The following L3MBTL4 variants were observed in gnomAD, a reference collection of about 807,000 sequenced individuals.
L3MBTL4 encodes lethal(3)malignant brain tumor-like protein 4.
In L3MBTL4, 70 loss-of-function variants were observed where a neutral mutation model predicts 84.5. The ratio of observed to expected loss-of-function variants is 0.83; its 90% confidence interval spans 0.68 to 1.01. The LOEUF is 1.01. Ranked by LOEUF, L3MBTL4 falls within the 50% of genes least tolerant of loss-of-function variation. The pLI is 0.00. For synonymous variants in L3MBTL4, 274 were observed against 259.8 expected (o/e 1.05, Z -0.52); for missense variants, 715 against 754.8 (o/e 0.95, Z 0.62).
chr18:6,035,263 A>C (rs1157082317), intron 16 of L3MBTL4, among the ~76,000 whole-genome samples: 1 of 152,086 alleles, frequency 6.6e-6, no homozygotes, highest in Non-Finnish European at 1.5e-5. Context: ...GTTTTCTTCT[A>C]GGGTTTTTAT....
At chr18:6,409,349 A>G (rs1319185106) in intron 1 of L3MBTL4, among the ~76,000 whole-genome samples, 1 of 152,240 alleles carries the variant, frequency 6.6e-6, no homozygotes, top group Non-Finnish European at 1.5e-5. Context: ...CACTCCAGGA[A>G]GTACTCACAA....
chr18:6,168,273 T>C (rs2043781883), intron 13 of L3MBTL4, among the ~76,000 whole-genome samples: 1 of 152,136 alleles, frequency 6.6e-6, no homozygotes, highest in Non-Finnish European at 1.5e-5. Flanking sequence ...ACAGATTCAA[T>C]GCCATCCCCA....
At position 6,347,482 on chromosome 18, in the gene L3MBTL4, AAT is replaced by A. The variant is rs368663873; in HGVS notation, c.-90-35428_-90-35427del. ...ATATTCTCCAAACTCATCAAGATATAATATATATATATCTTTTTATATGTCAA... is the reference window on the plus strand; with the variant it reads ...ATATTCTCCAAACTCATCAAGATATAATATATATATCTTTTTATATGTCAA... On this transcript the variant is annotated intron_variant, in intron 1 of 18. Coordinates refer to ENST00000317931, the MANE Select transcript of L3MBTL4 (RefSeq NM_001330559.2). Among the ~76,000 whole-genome samples the A allele has an allele frequency of 5.9e-3, 900 of 151,452 alleles. 3 individuals are homozygous for A. The highest frequency in any genetic ancestry group is 8.2e-3 in the Non-Finnish European group (557 of 67,718).
At chr18:6,193,001 G>A (rs7241423) in intron 12 of L3MBTL4, among the ~76,000 whole-genome samples, 4,459 of 152,210 alleles carry the variant, frequency 0.029, 224 homozygotes, top group African/African-American at 0.1. Flanking sequence ...GAGGCCCTGA[G>A]GGCTGCAGAT....
At chr18:6,361,338 C>G (rs2053685758) in intron 1 of L3MBTL4, among the ~76,000 whole-genome samples, 1 of 152,274 alleles carries the variant, frequency 6.6e-6, no homozygotes, top group East Asian at 1.9e-4. Flanking sequence ...TTGCCAACAT[C>G]TCTTTCTTAG....
At chr18:6,093,811 G>A (rs2058540730) in intron 14 of L3MBTL4, among the ~76,000 whole-genome samples, 1 of 152,160 alleles carries the variant, frequency 6.6e-6, no homozygotes, top group Non-Finnish European at 1.5e-5. Flanking sequence ...GCATACAGAT[G>A]TACTTCCAAT....
chr18:6,238,611 T>C (rs2047319776), intron 9 of L3MBTL4, among the ~76,000 whole-genome samples: 1 of 151,692 alleles, frequency 6.6e-6, no homozygotes, highest in Non-Finnish European at 1.5e-5. Context: ...AAAAAGTGAG[T>C]GAGCATTTTA....
At chr18:6,013,409 A>G (rs2054824019) in intron 16 of L3MBTL4, among the ~76,000 whole-genome samples, 1 of 152,198 alleles carries the variant, frequency 6.6e-6, no homozygotes, top group South Asian at 2.1e-4. Context: ...GCAATGTGTA[A>G]AAAACTTTCA....
intron 16 of L3MBTL4, among the ~76,000 whole-genome samples, chr18:6,071,140 C>T (rs2145976098): frequency 6.6e-6 from 1 of 152,196 alleles, no homozygotes; most frequent in South Asian, 2.1e-4. Context: ...CCTGTTATCC[C>T]AGCACTTTGG....
chr18:5,986,777 G>A (rs952009457), intron 16 of L3MBTL4, among the ~76,000 whole-genome samples: 1 of 152,202 alleles, frequency 6.6e-6, no homozygotes. Flanking sequence ...AGTGGGCATG[G>A]GCCCGAGTCC....
At chr18:6,281,715 C>T (rs779738571) in intron 4 of L3MBTL4, among the ~76,000 whole-genome samples, 4 of 152,190 alleles carry the variant, frequency 2.6e-5, no homozygotes, top group South Asian at 2.1e-4. Flanking sequence ...AAATTAATTA[C>T]GACAACAACT....
At chr18:6,159,660 C>T (rs1351829200) in intron 13 of L3MBTL4, among the ~76,000 whole-genome samples, 1 of 152,228 alleles carries the variant, frequency 6.6e-6, no homozygotes, top group East Asian at 1.9e-4. Context: ...GGGCATGCCA[C>T]ATGGCTCTCC....
At chr18:6,295,693 A>C (rs2050081406) in intron 4 of L3MBTL4, among the ~76,000 whole-genome samples, 1 of 152,156 alleles carries the variant, frequency 6.6e-6, no homozygotes, top group Non-Finnish European at 1.5e-5. Flanking sequence ...GTGCCCCTGC[A>C]AAAAGTTCTT....
At chr18:6,130,285 G>C (rs1267616905) in intron 14 of L3MBTL4, among the ~76,000 whole-genome samples, 1 of 150,634 alleles carries the variant, frequency 6.6e-6, no homozygotes, top group Non-Finnish European at 1.5e-5. Context: ...CACTCACAAA[G>C]GGGAACAGAC....
intron 10 of L3MBTL4, among the ~76,000 whole-genome samples, chr18:6,225,071 C>T (rs2046721805): frequency 6.6e-6 from 1 of 152,042 alleles, no homozygotes; most frequent in Non-Finnish European, 1.5e-5. Context: ...GGGAGCGTTC[C>T]CATTTCTGTG....
Position 6,129,366 on chromosome 18 carries a change from CTCTGTG to C in L3MBTL4, c.1199+8822_1199+8827del, listed in dbSNP as rs1299494798. Among the ~76,000 whole-genome samples the C allele has an allele frequency of 8.1e-3, 1,125 of 139,188 alleles. 16 individuals carry two copies. The highest frequency in any genetic ancestry group is 0.03 in the African/African-American group (1,063 of 35,104). 91.3% of individuals were successfully genotyped at this position (139,188 alleles called of 152,430 possible). On this transcript the variant is annotated intron_variant, in intron 14 of 18. Coordinates refer to ENST00000317931, the MANE Select transcript of L3MBTL4 (RefSeq NM_001330559.2). ...ACTCTTAACAATTTACTGGAATTCT[CTCTGTG>C]TGTGTGTGTGTGTGTGTGTGTGTGT...
chr18:6,299,307 C>A (rs1262904494), intron 4 of L3MBTL4, among the ~76,000 whole-genome samples: 2 of 152,170 alleles, frequency 1.3e-5, no homozygotes, highest in Non-Finnish European at 2.9e-5. Context: ...ACCATTAATA[C>A]TTTAATTATT....
At chr18:6,233,107 C>A (rs543354686) in intron 10 of L3MBTL4, among the ~76,000 whole-genome samples, 2 of 152,096 alleles carry the variant, frequency 1.3e-5, no homozygotes, top group South Asian at 4.1e-4. Context: ...AGGCCTTTGA[C>A]AAAATTCAAC....
At chr18:6,228,547 T>C (rs1356621319) in intron 10 of L3MBTL4, among the ~76,000 whole-genome samples, 2 of 152,090 alleles carry the variant, frequency 1.3e-5, no homozygotes, top group Non-Finnish European at 2.9e-5. Context: ...AACTCAATAA[T>C]AAGAAAAATA....
Sources: gnomAD v4.1 joint callset for allele counts (sites outside exome capture counted in the v4.1 genomes callset) on GRCh38, gnomAD v4.1.1 for gene constraint, MANE v1.5 for transcripts, NCBI Gene and HGNC (gene_info 2026-07-23, HGNC 2026-07-21) for gene names.